The following LRCH1 variants were observed in gnomAD, a reference collection of about 807,000 sequenced individuals.
The protein encoded by LRCH1 is leucine-rich repeat and calponin homology domain-containing protein 1.
A neutral mutation model predicts 94.9 loss-of-function variants in LRCH1; 23 were observed. That is an observed-to-expected ratio of 0.24 (90% CI 0.17 to 0.34). LRCH1 has a LOEUF of 0.34. Ranked by LOEUF, LRCH1 falls within the 10% of genes least tolerant of loss-of-function variation. The pLI, the probability that LRCH1 is intolerant of heterozygous loss-of-function variation, is 1.00. For synonymous variants in LRCH1, 364 were observed against 354.9 expected (o/e 1.03, Z -0.29); for missense variants, 790 against 945.9 (o/e 0.84, Z 2.16).
chr13:46,727,739 T>C (rs1439337294), intron 17 of LRCH1, among the ~76,000 whole-genome samples: 1 of 152,164 alleles, frequency 6.6e-6, no homozygotes, highest in Non-Finnish European at 1.5e-5. Context: ...GTTTTGAAAG[T>C]TGTTACCATT....
intron 1 of LRCH1, among the ~76,000 whole-genome samples, chr13:46,559,388 T>C (rs1053781318): frequency 1.3e-5 from 2 of 152,252 alleles, no homozygotes; most frequent in African/African-American, 4.8e-5. Context: ...CTTCCATTCA[T>C]AAACTATGAT....
chr13:46,586,542 G>A (rs886610750), intron 1 of LRCH1, among the ~76,000 whole-genome samples: 15 of 152,120 alleles, frequency 9.9e-5, no homozygotes, highest in Non-Finnish European at 1.8e-4. Context: ...TCAGCCTCCC[G>A]AATAGCTGGG....
intron 16 of LRCH1, among the ~76,000 whole-genome samples, chr13:46,718,003 G>A (rs908583335): frequency 1.3e-5 from 2 of 152,122 alleles, no homozygotes; most frequent in African/African-American, 2.4e-5. Context: ...GTTTCTCTGG[G>A]CCCACCCCTG....
Position 46,585,469 on chromosome 13 carries a change from C to T in LRCH1, c.307+31766C>T, listed in dbSNP as rs534967253. Among the ~76,000 whole-genome samples the T allele has an allele frequency of 1.0e-4, 15 of 147,110 alleles. No individual in the cohort carries two copies. In the East Asian group the frequency reaches 2.0e-3, roughly 20 times the overall value. ...GTGGGCGCCTGTAGTCCCAGCTACT[C>T]GTGAATCTGGGAGGCGGAGCTTTCA... On this transcript the variant is annotated intron_variant, in intron 1 of 19. Coordinates refer to ENST00000389797, the MANE Select transcript of LRCH1 (RefSeq NM_001164211.2).
intron 18 of LRCH1, 34 bp from the exon 19 acceptor site, chr13:46,733,887 A>G (rs1044606045): frequency 3.8e-6 from 5 of 1,326,190 alleles, no homozygotes; most frequent in Non-Finnish European, 5.3e-6. Context: ...TCTCTTTTAA[A>G]TAATATATTA....
At chr13:46,617,517 G>C (rs956459291) in intron 1 of LRCH1, among the ~76,000 whole-genome samples, 3 of 152,222 alleles carry the variant, frequency 2.0e-5, no homozygotes, top group African/African-American at 7.2e-5. Context: ...TCCGCAGGGA[G>C]GCTGGCTAAG....
At chr13:46,635,358 A>T (rs1282852892) in intron 1 of LRCH1, among the ~76,000 whole-genome samples, 1 of 151,528 alleles carries the variant, frequency 6.6e-6, no homozygotes, top group African/African-American at 2.4e-5. Context: ...CTGCCACCAC[A>T]TCTTCTCAGT....
chr13:46,730,298 T>C (rs1017380523), intron 18 of LRCH1, among the ~76,000 whole-genome samples: 7 of 152,218 alleles, frequency 4.6e-5, no homozygotes, highest in African/African-American at 1.7e-4. Context: ...GTAAGATACT[T>C]CATGTAATTT....
intron 1 of LRCH1, among the ~76,000 whole-genome samples, chr13:46,606,978 CAG>C (rs1193643298): frequency 6.6e-6 from 1 of 152,152 alleles, no homozygotes; most frequent in Admixed American, 6.5e-5. Flanking sequence ...AGATGGGAGT[CAG>C]GGGAAAGCCG....
At chr13:46,577,124 C>T (rs769805247) in intron 1 of LRCH1, among the ~76,000 whole-genome samples, 5 of 152,094 alleles carry the variant, frequency 3.3e-5, no homozygotes, top group Admixed American at 6.6e-5. Context: ...GACAGAGTTT[C>T]GTTCTTGTTG....
intron 9 of LRCH1, 129 bp from the exon 10 acceptor site, chr13:46,699,207 G>C: frequency 2.9e-6 from 2 of 691,338 alleles, no homozygotes; most frequent in Non-Finnish European, 5.2e-6. Context: ...TCCATAGATG[G>C]CTGTTTGGCT....
chr13:46,724,633 G>A (rs1485617019), intron 17 of LRCH1, among the ~76,000 whole-genome samples: 3 of 152,052 alleles, frequency 2.0e-5, no homozygotes, highest in Non-Finnish European at 4.4e-5. Context: ...TGTCAGGTTA[G>A]GAAGATCATA....
downstream of LRCH1, chr13:46,744,908 C>T (rs9595527): frequency 0.011 from 10,556 of 982,684 alleles, 815 homozygotes; most frequent in African/African-American, 0.16. Flanking sequence ...AGAATGTGCC[C>T]TTTTTTTCTT....
At chr13:46,693,096 C>T (rs903277702) in intron 8 of LRCH1, among the ~76,000 whole-genome samples, 6 of 151,832 alleles carry the variant, frequency 4.0e-5, no homozygotes, top group East Asian at 1.9e-4. Context: ...CTCAGCCTCC[C>T]GAGTAGCTGG....
rs1872074872 is a variant in LRCH1, at chr13:46,711,775, G to T, written c.1528-16G>T. 1 of 1,608,680 alleles carries T rather than the reference G, an allele frequency of 6.2e-7. No homozygotes were observed. Among genetic ancestry groups the T allele is most frequent in the East Asian group, 2.2e-5 (1 of 44,788 alleles). On this transcript the variant is annotated splice_polypyrimidine_tract_variant and intron_variant, in intron 13 of 19. Coordinates refer to ENST00000389797, the MANE Select transcript of LRCH1 (RefSeq NM_001164211.2). ...AGTCTAATGGAACATACCATGCTTT[G>T]TTCTTCTTTTTTAAGGTGCAAAGTG...
At chr13:46,676,256 C>T (rs916754657) in intron 3 of LRCH1, among the ~76,000 whole-genome samples, 8 of 151,814 alleles carry the variant, frequency 5.3e-5, no homozygotes, top group African/African-American at 1.7e-4. Context: ...GACTCCGTCT[C>T]GGTGGGGTGG....
intron 1 of LRCH1, among the ~76,000 whole-genome samples, chr13:46,607,109 A>C (rs2050696202): frequency 6.6e-6 from 1 of 152,136 alleles, no homozygotes; most frequent in African/African-American, 2.4e-5. Context: ...TGAGAGATTT[A>C]GGGCAGGGGA....
Position 46,742,654 on chromosome 13 carries a change from A to G in LRCH1, c.*806A>G. 1.0e-6 allele frequency: 1 copy of G among 985,356 alleles called. No individual in the cohort carries two copies. 61.0% of individuals were successfully genotyped at this position (985,356 alleles called of 1,614,324 possible). Reference sequence around the variant, plus strand: ...AGGCTCTTAGAAAAGCGTTTTCCAGAGAGATTTCTATTTTTGAACAATGGA... The same window carrying G: ...AGGCTCTTAGAAAAGCGTTTTCCAGGGAGATTTCTATTTTTGAACAATGGA... On this transcript the variant is annotated 3_prime_UTR_variant, in exon 20 of 20. Transcript: ENST00000389797.
chr13:46,688,725 T>G (rs547763324), intron 6 of LRCH1, among the ~76,000 whole-genome samples: 1 of 152,298 alleles, frequency 6.6e-6, no homozygotes, highest in South Asian at 2.1e-4. Context: ...TGGATAAAAA[T>G]TTACAGAATT....
Sources: allele counts gnomAD v4.1 joint callset (sites outside exome capture counted in the v4.1 genomes callset), GRCh38; gene constraint gnomAD v4.1.1; transcripts MANE v1.5; gene names NCBI Gene and HGNC (gene_info 2026-07-23, HGNC 2026-07-21).